Variants in MAPK10 observed in about 807,000 individuals in gnomAD.
The protein encoded by MAPK10 is mitogen-activated protein kinase 10, also known as JNK3 alpha protein kinase.
A neutral mutation model predicts 59.3 loss-of-function variants in MAPK10; 25 were observed. The ratio of observed to expected loss-of-function variants is 0.42; its 90% confidence interval spans 0.31 to 0.59. The LOEUF (loss-of-function observed/expected upper bound fraction) is 0.59, where lower values mean the gene tolerates loss of function less well. Ranked by LOEUF, MAPK10 falls within the 20% of genes least tolerant of loss-of-function variation. The pLI is 0.15. For missense variants in MAPK10, 351 were observed against 568.9 expected, an observed-to-expected ratio of 0.62 and a Z score of 3.90; for synonymous variants, 190 against 200.5, an observed-to-expected ratio of 0.95 and a Z score of 0.44.
At chr4:86,382,237 A>G (rs988366298) in intron 1 of MAPK10, among the ~76,000 whole-genome samples, 3 of 151,776 alleles carry the variant, frequency 2.0e-5, no homozygotes, top group African/African-American at 7.3e-5. Flanking sequence ...GAGCAGAGAG[A>G]CGAATGGAGG....
intron 3 of MAPK10, among the ~76,000 whole-genome samples, chr4:86,163,423 C>T (rs1023020168): frequency 3.3e-5 from 5 of 152,062 alleles, no homozygotes; most frequent in South Asian, 4.1e-4. Context: ...TTCCATCAAG[C>T]ACACTACAGA....
At chr4:86,227,432 A>G (rs2148656623) in intron 2 of MAPK10, among the ~76,000 whole-genome samples, 1 of 150,266 alleles carries the variant, frequency 6.7e-6, no homozygotes, top group South Asian at 2.1e-4. Flanking sequence ...GCTTGCAGTG[A>G]GCTGAGATGG....
chr4:86,031,805 A>G (rs1448903055), intron 11 of MAPK10: 4 of 173,716 alleles, frequency 2.3e-5, no homozygotes, highest in East Asian at 1.5e-4. Context: ...CACTTGCCTT[A>G]TAACAGAACC....
chr4:86,073,860 T>A (rs1170766312), intron 9 of MAPK10, among the ~76,000 whole-genome samples: 1 of 111,758 alleles, frequency 8.9e-6, no homozygotes, highest in Non-Finnish European at 1.9e-5. Flanking sequence ...CTGAAAAAAA[T>A]GTATATTCTG....
At chr4:86,212,204 G>C (rs888594596) in intron 2 of MAPK10, among the ~76,000 whole-genome samples, 9 of 152,066 alleles carry the variant, frequency 5.9e-5, no homozygotes, top group African/African-American at 2.2e-4. Flanking sequence ...TGAGAGATTT[G>C]CTTTAGATCC....
intron 2 of MAPK10, among the ~76,000 whole-genome samples, chr4:86,317,614 T>A (rs921508563): frequency 1.4e-4 from 21 of 152,204 alleles, no homozygotes; most frequent in Non-Finnish European, 2.6e-4. Flanking sequence ...TCTAACATAT[T>A]ACTAATTCTA....
chr4:86,049,281 A>G (rs1010286677), intron 11 of MAPK10, among the ~76,000 whole-genome samples: 4 of 152,152 alleles, frequency 2.6e-5, no homozygotes, highest in African/African-American at 9.6e-5. Context: ...GGAACAAAAA[A>G]GTTTGAGAAA....
intron 4 of MAPK10, among the ~76,000 whole-genome samples, chr4:86,153,345 A>G (rs1413155404): frequency 1.3e-5 from 2 of 152,192 alleles, no homozygotes. Context: ...AAATCTGCCA[A>G]GAAAAGTGCT....
rs535758440 is a variant in MAPK10 at position 86,350,515 on chromosome 4, A to G, written c.-7+4015T>C. On this transcript the variant is annotated intron_variant, in intron 2 of 13. Transcript: ENST00000641462. ...AGGCGTGAGCCACCACGTCTGGCCA[A>G]TTTTTGTATTTTTAGTAGAGACAGG... Among the ~76,000 whole-genome samples the G allele has an allele frequency of 2.0e-5, 3 of 151,968 alleles. No individual in the cohort carries two copies. The East Asian group carries it at 5.8e-4, about 30-fold the overall frequency.
chr4:86,554,820 T>C (rs924149131), intron 1 of MAPK10, among the ~76,000 whole-genome samples: 1 of 152,246 alleles, frequency 6.6e-6, no homozygotes, highest in Admixed American at 6.5e-5. Flanking sequence ...CTCTTTTGTA[T>C]GGGCACAATG....
chr4:86,416,104 C>A (rs946438139), intron 1 of MAPK10, among the ~76,000 whole-genome samples: 2 of 152,164 alleles, frequency 1.3e-5, no homozygotes. Context: ...GGGGCCTCTA[C>A]AGAGGTAATT....
intron 1 of MAPK10, among the ~76,000 whole-genome samples, chr4:86,372,573 G>A (rs866979302): frequency 2.5e-5 from 3 of 120,180 alleles, no homozygotes; most frequent in Non-Finnish European, 3.6e-5. Context: ...AGAAAGAAAA[G>A]AAAAGAAAAG....
chr4:86,135,212 G>T lies in MAPK10; in HGVS notation c.236+24086C>A, dbSNP rs374231396. On this transcript the variant is annotated intron_variant, in intron 4 of 13. Coordinates refer to ENST00000641462, the MANE Select transcript of MAPK10 (RefSeq NM_138982.4). The stretch of plus-strand genomic sequence containing the variant: ...GCTCAAGGAGGCCTGCCTGCCTCTG[G>T]AGGCTCCACCTCTGGGGGCAGGGCA... Among the ~76,000 whole-genome samples, 728 of 152,316 alleles carry T rather than the reference G, an allele frequency of 4.8e-3. 3 individuals are homozygous for T. Among genetic ancestry groups the T allele is most frequent in the African/African-American group, 0.016 (676 of 41,586 alleles).
intron 1 of MAPK10, among the ~76,000 whole-genome samples, chr4:86,421,583 C>T (rs1468308693): frequency 2.0e-5 from 3 of 152,058 alleles, no homozygotes; most frequent in South Asian, 4.1e-4. Flanking sequence ...TTTGCCAGCT[C>T]GAGAATGGGT....
chr4:86,415,535 A>G (rs1001953083), intron 1 of MAPK10, among the ~76,000 whole-genome samples: 2 of 152,216 alleles, frequency 1.3e-5, no homozygotes, highest in Non-Finnish European at 2.9e-5. Flanking sequence ...ATAGGTAGCA[A>G]GCAGGCATTT....
intron 2 of MAPK10, among the ~76,000 whole-genome samples, chr4:86,323,400 C>T (rs971860552): frequency 6.6e-6 from 1 of 152,106 alleles, no homozygotes; most frequent in Non-Finnish European, 1.5e-5. Flanking sequence ...GTGGTGTTTG[C>T]CAATCTGTGC....
intron 1 of MAPK10, among the ~76,000 whole-genome samples, chr4:86,476,052 C>T (rs1043595230): frequency 6.6e-5 from 10 of 152,216 alleles, no homozygotes; most frequent in Non-Finnish European, 1.2e-4. Context: ...GCAAACGGTC[C>T]GAGATGCCTG....
intron 2 of MAPK10, among the ~76,000 whole-genome samples, chr4:86,205,388 A>G (rs2149339758): frequency 6.6e-6 from 1 of 152,116 alleles, no homozygotes; most frequent in Non-Finnish European, 1.5e-5. Context: ...AAAATTCACG[A>G]TCACAGTGAG....
At chr4:86,360,561 A>C (rs1406855805), upstream of MAPK10, among the ~76,000 whole-genome samples, 4 of 152,182 alleles carry the variant, frequency 2.6e-5, no homozygotes, top group Non-Finnish European at 5.9e-5. Flanking sequence ...TTTTGTAAAA[A>C]TCCTGAATAA....
Sources: allele counts gnomAD v4.1 joint callset (sites outside exome capture counted in the v4.1 genomes callset), GRCh38; gene constraint gnomAD v4.1.1; transcripts MANE v1.5; gene names NCBI Gene and HGNC (gene_info 2026-07-23, HGNC 2026-07-21).